PPM1H: variants seen among roughly 807,000 people sequenced by gnomAD.
PPM1H encodes protein phosphatase 1H.
Under a neutral mutation model 54.9 loss-of-function variants are expected in PPM1H, and 27 were observed. The ratio of observed to expected loss-of-function variants is 0.49; its 90% CI spans 0.36 to 0.68. The LOEUF is 0.68. PPM1H is among the 30% of genes least tolerant of loss of function. The pLI is 0.00. For missense variants in PPM1H, 596 were observed against 667.8 expected (o/e 0.89, Z 1.19); for synonymous variants, 305 against 270.8 (o/e 1.13, Z -1.24).
chr12:62,746,228 C>T (rs2120559334), intron 4 of PPM1H, among the ~76,000 whole-genome samples: 1 of 152,194 alleles, frequency 6.6e-6, no homozygotes, highest in Non-Finnish European at 1.5e-5. Context: ...AAAGTGTGAA[C>T]AGGTGTGATC....
intron 1 of PPM1H, among the ~76,000 whole-genome samples, chr12:62,854,547 A>C (rs998262347): frequency 1.3e-5 from 2 of 152,226 alleles, no homozygotes; most frequent in African/African-American, 4.8e-5. Context: ...AGGATAATTT[A>C]GTATTTAACC....
intron 3 of PPM1H, among the ~76,000 whole-genome samples, chr12:62,789,040 A>G (rs2076689592): frequency 6.8e-6 from 1 of 146,206 alleles, no homozygotes; most frequent in South Asian, 2.2e-4. Context: ...CTTTTTAGAG[A>G]AGGTTTGCTC....
At chr12:62,825,547 G>A (rs1868280753) in intron 2 of PPM1H, among the ~76,000 whole-genome samples, 1 of 152,174 alleles carries the variant, frequency 6.6e-6, no homozygotes, top group African/African-American at 2.4e-5. Context: ...AGAATACTAT[G>A]CAGCTATAAA....
chr12:62,670,180 C>T (rs1196195914), intron 8 of PPM1H, among the ~76,000 whole-genome samples: 5 of 151,824 alleles, frequency 3.3e-5, no homozygotes, highest in South Asian at 4.2e-4. Flanking sequence ...ATTCTCCATG[C>T]TGGTCAGGCT....
intron 1 of PPM1H, among the ~76,000 whole-genome samples, chr12:62,869,074 G>C (rs753459511): frequency 6.6e-6 from 1 of 152,130 alleles, no homozygotes; most frequent in Non-Finnish European, 1.5e-5. Context: ...GCCTCTGGAG[G>C]TACACCTTGC....
At chr12:62,774,848 G>A (rs189122466) in intron 4 of PPM1H, among the ~76,000 whole-genome samples, 4 of 152,282 alleles carry the variant, frequency 2.6e-5, no homozygotes, top group Admixed American at 6.5e-5. Context: ...TCTCAGAAAC[G>A]GAGGAGGTAG....
At chr12:62,847,103 G>A (rs1869000941) in intron 1 of PPM1H, among the ~76,000 whole-genome samples, 1 of 152,114 alleles carries the variant, frequency 6.6e-6, no homozygotes, top group African/African-American at 2.4e-5. Context: ...TCTGAGCTGA[G>A]CCAATTAGGG....
chr12:62,752,570 A>C (rs1217201844), intron 4 of PPM1H, among the ~76,000 whole-genome samples: 1 of 152,006 alleles, frequency 6.6e-6, no homozygotes, highest in African/African-American at 2.4e-5. Context: ...TTGAAACCTC[A>C]CTCTGTTCAT....
chr12:62,919,281 A>C (rs7977300), intron 1 of PPM1H, among the ~76,000 whole-genome samples: 12,631 of 152,220 alleles, frequency 0.083, 758 homozygotes, highest in East Asian at 0.26. Context: ...AAACAAAATG[A>C]TCTTGACACT....
intron 5 of PPM1H, among the ~76,000 whole-genome samples, chr12:62,728,652 C>T (rs529998457): frequency 2.6e-5 from 4 of 152,240 alleles, no homozygotes; most frequent in East Asian, 3.9e-4. Flanking sequence ...GCAACCTGCA[C>T]CCAAGGCTGT....
intron 1 of PPM1H, among the ~76,000 whole-genome samples, chr12:62,854,726 A>C (rs1386449834): frequency 6.6e-6 from 1 of 151,978 alleles, no homozygotes; most frequent in Non-Finnish European, 1.5e-5. Context: ...TTTAACAGAC[A>C]TTGAGAGAAT....
chr12:62,811,686 G>A (rs750013407), intron 2 of PPM1H, among the ~76,000 whole-genome samples: 1 of 152,070 alleles, frequency 6.6e-6, no homozygotes, highest in Non-Finnish European at 1.5e-5. Flanking sequence ...CACAAGATAT[G>A]ATGGTTTCAT....
intron 1 of PPM1H, among the ~76,000 whole-genome samples, chr12:62,842,795 G>A (rs531447774): frequency 6.6e-6 from 1 of 152,296 alleles, no homozygotes; most frequent in East Asian, 1.9e-4. Flanking sequence ...CAGGTAGACA[G>A]GTTTTTTCTC....
intron 4 of PPM1H, among the ~76,000 whole-genome samples, chr12:62,760,159 G>A (rs1001984490): frequency 6.6e-6 from 1 of 152,156 alleles, no homozygotes; most frequent in Admixed American, 6.5e-5. Flanking sequence ...CCAGAAAATG[G>A]CACTTTTGAT....
intron 8 of PPM1H, among the ~76,000 whole-genome samples, chr12:62,673,523 C>A (rs560154559): frequency 1.3e-5 from 2 of 152,182 alleles, no homozygotes; most frequent in African/African-American, 2.4e-5. Context: ...GATGCCCTCA[C>A]AGCTTTTGTG....
At chr12:62,724,323 C>T (rs556428210) in intron 5 of PPM1H, among the ~76,000 whole-genome samples, 23 of 152,340 alleles carry the variant, frequency 1.5e-4, no homozygotes, top group African/African-American at 4.6e-4. Context: ...TCTTCTCCCA[C>T]ATAAGGGTAA....
chr12:62,749,829 T>C (rs1010264203), intron 4 of PPM1H, among the ~76,000 whole-genome samples: 6 of 152,222 alleles, frequency 3.9e-5, no homozygotes, highest in African/African-American at 1.4e-4. Context: ...TGACCACTCA[T>C]AGAGCCATAG....
chr12:62,734,035 G>A (rs1363414150), intron 5 of PPM1H, among the ~76,000 whole-genome samples: 1 of 152,068 alleles, frequency 6.6e-6, no homozygotes, highest in Non-Finnish European at 1.5e-5. Context: ...GGGCCTTTGG[G>A]AAGTGATTAG....
chr12:62,893,831 A>G (rs1870886467), intron 1 of PPM1H, among the ~76,000 whole-genome samples: 1 of 152,128 alleles, frequency 6.6e-6, no homozygotes, highest in Non-Finnish European at 1.5e-5. Context: ...ATCTCCAAAT[A>G]TAGTCACATT....
Sources: gnomAD v4.1 joint callset for allele counts (sites outside exome capture counted in the v4.1 genomes callset) on GRCh38, gnomAD v4.1.1 for gene constraint, MANE v1.5 for transcripts, NCBI Gene and HGNC (gene_info 2026-07-23, HGNC 2026-07-21) for gene names.